Variants in GPC5 observed in about 807,000 individuals in gnomAD.
The protein encoded by GPC5 is glypican 5.
Under a neutral mutation model 53.9 loss-of-function variants are expected in GPC5, and 47 were observed. That is an observed-to-expected ratio of 0.87 (90% confidence interval 0.69 to 1.11). The LOEUF (loss-of-function observed/expected upper bound fraction) is 1.11, where lower values mean the gene tolerates loss of function less well. GPC5 is among the 50% of genes most tolerant of loss of function. The probability of loss-of-function intolerance (pLI) is 0.00; values close to 1 mark genes in which losing one functional copy is unlikely to be tolerated. For synonymous variants in GPC5, 286 were observed against 263.3 expected (o/e 1.09, Z -0.84); for missense variants, 748 against 713.1 (o/e 1.05, Z -0.56).
intron 7 of GPC5, among the ~76,000 whole-genome samples, chr13:92,736,602 C>T (rs1415800750): frequency 3.3e-5 from 5 of 151,842 alleles, no homozygotes; most frequent in Admixed American, 6.6e-5. Context: ...CCCATAAAAG[C>T]AGCTTTTGAT....
chr13:92,840,516 T>C (rs992167604), intron 7 of GPC5, among the ~76,000 whole-genome samples: 2 of 152,110 alleles, frequency 1.3e-5, no homozygotes, highest in Non-Finnish European at 2.9e-5. Flanking sequence ...CTTTGTAATA[T>C]ATTTTAATAT....
intron 6 of GPC5, among the ~76,000 whole-genome samples, chr13:92,040,069 A>G (rs924658694): frequency 1.3e-5 from 2 of 152,214 alleles, no homozygotes; most frequent in Non-Finnish European, 2.9e-5. Context: ...AACAATGAGG[A>G]TGTTGGTGGA....
chr13:92,816,295 C>G (rs964158124), intron 7 of GPC5, among the ~76,000 whole-genome samples: 1 of 152,078 alleles, frequency 6.6e-6, no homozygotes, highest in Non-Finnish European at 1.5e-5. Flanking sequence ...AACTCTGGGT[C>G]TGTTGGTAAC....
intron 4 of GPC5, among the ~76,000 whole-genome samples, chr13:91,736,964 TA>T (rs2036828769): frequency 6.7e-6 from 1 of 149,584 alleles, no homozygotes; most frequent in East Asian, 1.9e-4. Context: ...TTATTATTAT[TA>T]TTATTATTTT....
chr13:92,380,528 C>G (rs989546887), intron 7 of GPC5, among the ~76,000 whole-genome samples: 8 of 151,808 alleles, frequency 5.3e-5, no homozygotes, highest in African/African-American at 1.9e-4. Flanking sequence ...AGACTTGGAA[C>G]CAACCCAAAT....
chr13:91,560,787 TA>T (rs5805705), intron 2 of GPC5, among the ~76,000 whole-genome samples: 20,694 of 150,514 alleles, frequency 0.14, 1,818 homozygotes, highest in African/African-American at 0.24. Context: ...ATGTTATAAT[TA>T]AAAAAAAAAT....
intron 2 of GPC5, among the ~76,000 whole-genome samples, chr13:91,527,066 C>G (rs1416650557): frequency 6.6e-6 from 1 of 152,108 alleles, no homozygotes; most frequent in Non-Finnish European, 1.5e-5. Context: ...CTGCCCCTGG[C>G]CCCTCCTAAA....
intron 3 of GPC5, among the ~76,000 whole-genome samples, chr13:91,720,242 C>T (rs1296128098): frequency 2.0e-5 from 3 of 152,166 alleles, no homozygotes; most frequent in Admixed American, 1.3e-4. Flanking sequence ...TCTCTTGCAC[C>T]CCCACTGATC....
rs1320902815 is a variant in GPC5 at position 91,693,499 on chromosome 13, G to A, written c.638G>A (p.Gly213Glu). The change falls in exon 3 of 8, where the codon GGA becomes GAA. Residue 213 changes from glycine (G) to glutamate (E), a missense_variant. Coordinates refer to ENST00000377067, the MANE Select transcript of GPC5 (RefSeq NM_004466.6). ...PFGNIPQRVM[G>E]QMGRSLLPSR... is the part of the protein sequence containing the mutation. ...GGTAATATTCCCCAAAGAGTAATGGGACAGATGGGGAGGTCCCTGCTGCCC... is the reference window on the plus strand; with the variant it reads ...GGTAATATTCCCCAAAGAGTAATGGAACAGATGGGGAGGTCCCTGCTGCCC... 3 of 1,613,986 alleles carry A rather than the reference G, an allele frequency of 1.9e-6. No individual in the cohort carries two copies. The African/African-American group carries it at 4.0e-5, about 22-fold the overall frequency.
intron 7 of GPC5, among the ~76,000 whole-genome samples, chr13:92,394,257 T>C (rs1387645072): frequency 6.6e-6 from 1 of 152,192 alleles, no homozygotes; most frequent in Non-Finnish European, 1.5e-5. Context: ...TTGTTTTTCA[T>C]CTATACATAT....
chr13:92,843,451 C>A (rs1196000591), intron 7 of GPC5, among the ~76,000 whole-genome samples: 1 of 152,116 alleles, frequency 6.6e-6, no homozygotes, highest in African/African-American at 2.4e-5. Context: ...AAAGAAACAA[C>A]AAACACTTAT....
intron 6 of GPC5, among the ~76,000 whole-genome samples, chr13:92,130,564 T>C (rs1194806548): frequency 6.6e-6 from 1 of 152,076 alleles, no homozygotes; most frequent in Non-Finnish European, 1.5e-5. Flanking sequence ...AAAGAACACT[T>C]AATTTTTTGT....
At chr13:91,415,917 A>G (rs1566375688) in intron 1 of GPC5, among the ~76,000 whole-genome samples, 1 of 152,120 alleles carries the variant, frequency 6.6e-6, no homozygotes, top group Non-Finnish European at 1.5e-5. Context: ...TTATCACATT[A>G]ATTTTTTTTA....
chr13:91,711,682 C>G (rs1045501753), intron 3 of GPC5, among the ~76,000 whole-genome samples: 57 of 152,124 alleles, frequency 3.7e-4, no homozygotes, highest in African/African-American at 1.3e-3. Flanking sequence ...TATATTTAAC[C>G]AAGAAGCCCA....
chr13:92,313,564 G>A (rs1280499907), intron 7 of GPC5, among the ~76,000 whole-genome samples: 1 of 152,184 alleles, frequency 6.6e-6, no homozygotes, highest in African/African-American at 2.4e-5. Context: ...GATTGTGCCA[G>A]AAGTTGTTTC....
At chr13:92,206,042 CAAAA>C (rs58237718) in intron 7 of GPC5, among the ~76,000 whole-genome samples, 325 of 90,402 alleles carry the variant, frequency 3.6e-3, no homozygotes, top group East Asian at 0.015. Flanking sequence ...GACTCCATCT[CAAAA>C]AAAAAAAAAA....
chr13:91,667,113 G>A (rs1431907012), intron 2 of GPC5, among the ~76,000 whole-genome samples: 1 of 152,090 alleles, frequency 6.6e-6, no homozygotes, highest in Non-Finnish European at 1.5e-5. Flanking sequence ...AACTTACAGT[G>A]GTGGAATTTT....
intron 7 of GPC5, among the ~76,000 whole-genome samples, chr13:92,628,307 G>A (rs563273456): frequency 3.6e-5 from 2 of 55,390 alleles, no homozygotes; most frequent in African/African-American, 1.4e-4. Context: ...ATGTAGTCTC[G>A]CTCTGTCACC....
chr13:91,643,978 AGAC>A (rs2034497173), intron 2 of GPC5, among the ~76,000 whole-genome samples: 1 of 27,492 alleles, frequency 3.6e-5, no homozygotes, highest in African/African-American at 5.5e-5. Flanking sequence ...TCATATGTTA[AGAC>A]TTCAACATAT....
Sources: allele counts gnomAD v4.1 joint callset (sites outside exome capture counted in the v4.1 genomes callset), GRCh38; gene constraint gnomAD v4.1.1; transcripts MANE v1.5; gene names NCBI Gene and HGNC (gene_info 2026-07-23, HGNC 2026-07-21).